Variants in ARHGAP6 observed in about 807,000 individuals in gnomAD.
ARHGAP6 encodes the protein rho GTPase-activating protein 6.
In ARHGAP6, 16 loss-of-function variants were observed where a neutral mutation model predicts 55.7. The ratio of observed to expected loss-of-function variants is 0.29; its 90% CI spans 0.19 to 0.44. ARHGAP6 has a LOEUF of 0.44. Ranked by LOEUF, ARHGAP6 falls within the 20% of genes least tolerant of loss-of-function variation. The pLI, the probability that ARHGAP6 is intolerant of heterozygous loss-of-function variation, is 1.00. For synonymous variants in ARHGAP6, 382 were observed against 360.9 expected, an observed-to-expected ratio of 1.06 and a Z score of -0.66; for missense variants, 698 against 808.9, an observed-to-expected ratio of 0.86 and a Z score of 1.66.
At chrX:11,534,536 G>A (rs999872393) in intron 1 of ARHGAP6, among the ~76,000 whole-genome samples, 2 of 109,484 alleles carry the variant, frequency 1.8e-5, no homozygotes, top group South Asian at 8.3e-4. Flanking sequence ...CTCCAGCAGT[G>A]GCAACCAAAA....
At chrX:11,511,706 T>A (rs1467127819) in intron 1 of ARHGAP6, among the ~76,000 whole-genome samples, 1 of 111,723 alleles carries the variant, frequency 9.0e-6, no homozygotes, top group East Asian at 2.8e-4. Context: ...TGCTGGTGGG[T>A]TACAGGTGTG....
intron 1 of ARHGAP6, among the ~76,000 whole-genome samples, chrX:11,479,095 C>T (rs1370114432): frequency 8.9e-6 from 1 of 112,132 alleles, no homozygotes; most frequent in African/African-American, 3.2e-5. Flanking sequence ...TCCACTTTAA[C>T]GAAAGGCGGC....
At chrX:11,341,338 G>A (rs5935012) in intron 1 of ARHGAP6, among the ~76,000 whole-genome samples, 6,507 of 111,016 alleles carry the variant, frequency 0.059, 211 homozygotes, top group African/African-American at 0.12. Context: ...TGTGTTCATG[G>A]TCAAAGTACT....
At chrX:11,271,034 G>A (rs1409240273) in intron 1 of ARHGAP6, among the ~76,000 whole-genome samples, 1 of 111,873 alleles carries the variant, frequency 8.9e-6, no homozygotes, top group Non-Finnish European at 1.9e-5. Flanking sequence ...CTCATGTAGT[G>A]AGGAACGCTG....
At position 11,621,104 on chromosome X, in the gene ARHGAP6, A is replaced by G. The variant is rs769871053; in HGVS notation, c.588+43137T>C. ...GACCCCGGTGGACATCAACTGAAAA[A>G]TACCAGCCACAAAAAGAAGCTCATA... On this transcript the variant is annotated intron_variant, in intron 1 of 12. Transcript: ENST00000337414. Among the ~76,000 whole-genome samples the G allele has an allele frequency of 6.8e-4, 76 of 111,509 alleles. 1 individual carries two copies. The highest frequency in any genetic ancestry group is 3.8e-4 in the Non-Finnish European group (20 of 53,128).
At chrX:11,279,459 T>C (rs1168787365) in intron 1 of ARHGAP6, among the ~76,000 whole-genome samples, 2 of 111,764 alleles carry the variant, frequency 1.8e-5, no homozygotes, top group Non-Finnish European at 3.8e-5. Flanking sequence ...AGTTTCCAAA[T>C]GTTAACTTGA....
intron 1 of ARHGAP6, among the ~76,000 whole-genome samples, chrX:11,413,830 T>C (rs1237939251): frequency 2.7e-5 from 3 of 112,335 alleles, no homozygotes; most frequent in East Asian, 5.5e-4. Context: ...TTTCCAGTGA[T>C]GTAGAGATTG....
chrX:11,453,729 A>G, intron 1 of ARHGAP6, among the ~76,000 whole-genome samples: 1 of 111,878 alleles, frequency 8.9e-6, no homozygotes, highest in South Asian at 3.7e-4. Flanking sequence ...AAAAAAGCCT[A>G]TCAATCCACT....
intron 1 of ARHGAP6, among the ~76,000 whole-genome samples, chrX:11,506,565 T>G (rs780378060): frequency 8.9e-6 from 1 of 112,062 alleles, no homozygotes; most frequent in Non-Finnish European, 1.9e-5. Context: ...GCAAAGGACA[T>G]GAACTCATCC....
At chrX:11,367,634 C>T (rs1306748161) in intron 1 of ARHGAP6, 5 of 146,729 alleles carry the variant, frequency 3.4e-5, no homozygotes, top group Non-Finnish European at 5.9e-5. Flanking sequence ...TAAAATTTCC[C>T]AATTATTGTT....
intron 1 of ARHGAP6, among the ~76,000 whole-genome samples, chrX:11,493,019 C>T (rs765913476): frequency 8.9e-6 from 1 of 111,907 alleles, no homozygotes; most frequent in African/African-American, 3.3e-5. Flanking sequence ...ATCTTGGGTC[C>T]CCAGCTGACT....
intron 1 of ARHGAP6, among the ~76,000 whole-genome samples, chrX:11,347,889 C>T (rs2048808738): frequency 0.015 from 1 of 67 alleles, no homozygotes; most frequent in Admixed American, 0.33. Context: ...GATAGGTCCC[C>T]ATAGCCCTAG....
chrX:11,220,795 A>G (rs773011200), intron 2 of ARHGAP6, among the ~76,000 whole-genome samples: 9 of 109,233 alleles, frequency 8.2e-5, no homozygotes, highest in Admixed American at 2.9e-4. Context: ...TTAACTTTAA[A>G]TGTAAATGGA....
At chrX:11,502,453 G>A (rs1885120887) in intron 1 of ARHGAP6, among the ~76,000 whole-genome samples, 1 of 112,247 alleles carries the variant, frequency 8.9e-6, no homozygotes, top group African/African-American at 3.2e-5. Context: ...AAAGTGAGGT[G>A]TGTATTATGA....
intron 1 of ARHGAP6, among the ~76,000 whole-genome samples, chrX:11,515,915 C>T (rs2050834056): frequency 8.9e-6 from 1 of 112,773 alleles, no homozygotes; most frequent in Non-Finnish European, 1.9e-5. Context: ...TGAACCTCTG[C>T]ATTGCCAGAC....
intron 1 of ARHGAP6, among the ~76,000 whole-genome samples, chrX:11,397,765 T>C (rs1418616400): frequency 9.0e-6 from 1 of 111,049 alleles, no homozygotes; most frequent in Non-Finnish European, 1.9e-5. Flanking sequence ...CACATGTAGT[T>C]CTAGGCACTC....
At chrX:11,337,661 TA>T (rs1569305413) in intron 1 of ARHGAP6, among the ~76,000 whole-genome samples, 1 of 112,720 alleles carries the variant, frequency 8.9e-6, no homozygotes, top group Non-Finnish European at 1.9e-5. Context: ...AGTAGATGAA[TA>T]CTCAGTCTCC....
In ARHGAP6 at chrX:11,664,753, C is replaced by A. The variant is rs758017777; in HGVS notation, c.76G>T (p.Gly26Cys). 8.3e-7 allele frequency: 1 copy of A among 1,200,654 alleles called. No individual in the cohort carries two copies. The highest frequency in any genetic ancestry group is 1.1e-6 in the Non-Finnish European group (1 of 891,668). Residue 26 changes from glycine to cysteine, a missense_variant, in exon 1 of 13, where the codon GGC becomes TGC. Gly to Cys is a radical substitution (Grantham distance 159). This residue lies in a region of ARHGAP6 where 164 missense variants were observed against 149.2 expected (regional missense o/e 1.10). Coordinates refer to ENST00000337414, the MANE Select transcript of ARHGAP6 (RefSeq NM_013427.3). Reference sequence around the variant, plus strand: ...TGGCGCAGCTTCCTCTTGGAGAAGCCCTTGGCCGAGGCCGCGCTACTTGAA... The same window carrying A: ...TGGCGCAGCTTCCTCTTGGAGAAGCACTTGGCCGAGGCCGCGCTACTTGAA... Reference protein sequence around the residue: ...PASSSAASAKGFSKRKLRQTR... With the variant: ...PASSSAASAKCFSKRKLRQTR...
At chrX:11,236,724 G>C (rs1174131570) in intron 2 of ARHGAP6, among the ~76,000 whole-genome samples, 1 of 112,390 alleles carries the variant, frequency 8.9e-6, no homozygotes, top group African/African-American at 3.2e-5. Context: ...ACAATTGAGA[G>C]AACTGAAAAT....
Sources: allele counts gnomAD v4.1 joint callset (sites outside exome capture counted in the v4.1 genomes callset), GRCh38; gene constraint gnomAD v4.1.1; regional missense constraint gnomAD v4.1.1; transcripts MANE v1.5; gene names NCBI Gene and HGNC (gene_info 2026-07-23, HGNC 2026-07-21).